Variants in EPHA5 observed in about 807,000 individuals in gnomAD.
EPHA5 encodes EPH receptor A5.
In EPHA5, 60 loss-of-function variants were observed where a neutral mutation model predicts 105.0. That is an observed-to-expected ratio of 0.57 (90% CI 0.46 to 0.71). EPHA5 has a LOEUF of 0.71. Among genes scored for constraint, EPHA5 ranks in the 30% least tolerant of loss-of-function variants. The pLI, the probability that EPHA5 is intolerant of heterozygous loss-of-function variation, is 0.00. For synonymous variants in EPHA5, 513 were observed against 449.1 expected (o/e 1.14, Z -1.80); for missense variants, 1,218 against 1,274.7 (o/e 0.96, Z 0.68).
chr4:65,393,490 T>A (rs1374775255), intron 8 of EPHA5, among the ~76,000 whole-genome samples: 1 of 152,218 alleles, frequency 6.6e-6, no homozygotes, highest in Non-Finnish European at 1.5e-5. Context: ...TCCAACCTCA[T>A]GGGCCTCTCC....
chr4:65,517,434 A>G lies in EPHA5; in HGVS notation c.911-21891T>C, dbSNP rs541959495. Among the ~76,000 whole-genome samples, 11 of 152,014 alleles carry G rather than the reference A, an allele frequency of 7.2e-5. No individual in the cohort carries two copies. In the East Asian group the frequency reaches 1.9e-3, roughly 27 times the overall value. Reference sequence around the variant, plus strand: ...TATTCATTTATTTTGAGTAACTTTTATTCAGAATAAATTTGAGTTTTGATT... The same window carrying G: ...TATTCATTTATTTTGAGTAACTTTTGTTCAGAATAAATTTGAGTTTTGATT... On this transcript the variant is annotated intron_variant, in intron 3 of 16. Coordinates refer to ENST00000613740, the MANE Select transcript of EPHA5 (RefSeq NM_001281766.3).
chr4:65,544,767 A>G (rs1737210186), intron 3 of EPHA5, among the ~76,000 whole-genome samples: 2 of 152,008 alleles, frequency 1.3e-5, no homozygotes, highest in South Asian at 4.1e-4. Flanking sequence ...ATAAAGACAC[A>G]TGCACATATA....
intron 3 of EPHA5, among the ~76,000 whole-genome samples, chr4:65,551,116 T>C (rs927032118): frequency 6.6e-6 from 1 of 151,054 alleles, no homozygotes. Flanking sequence ...ATGAAATATA[T>C]TTACATACAT....
intron 5 of EPHA5, among the ~76,000 whole-genome samples, chr4:65,482,863 T>G (rs975268135): frequency 5.9e-5 from 9 of 151,872 alleles, no homozygotes; most frequent in African/African-American, 2.2e-4. Context: ...AGAGGATCTT[T>G]TTTTTTTATT....
intron 15 of EPHA5, among the ~76,000 whole-genome samples, chr4:65,332,509 A>C (rs1376424): frequency 0.35 from 52,678 of 151,222 alleles, 9,361 homozygotes; most frequent in African/African-American, 0.44. Context: ...AAATGTACAC[A>C]ACCAACAGTG....
intron 3 of EPHA5, among the ~76,000 whole-genome samples, chr4:65,553,361 G>C (rs181706281): frequency 2.4e-4 from 36 of 152,130 alleles, no homozygotes; most frequent in African/African-American, 8.4e-4. Flanking sequence ...ATGATACCTT[G>C]AAGGACAACC....
At chr4:65,668,975 C>T (rs997015762) in intron 1 of EPHA5, among the ~76,000 whole-genome samples, 4 of 152,036 alleles carry the variant, frequency 2.6e-5, no homozygotes, top group Admixed American at 6.6e-5. Context: ...CGCTATACCC[C>T]TCCCACGAGA....
intron 5 of EPHA5, among the ~76,000 whole-genome samples, chr4:65,466,524 G>A (rs1728732246): frequency 1.3e-5 from 2 of 152,174 alleles, no homozygotes; most frequent in South Asian, 2.1e-4. Flanking sequence ...CCCTGTGGCT[G>A]CTGTATTAAA....
intron 4 of EPHA5, among the ~76,000 whole-genome samples, chr4:65,491,384 A>T (rs1257286113): frequency 1.3e-5 from 2 of 152,110 alleles, no homozygotes; most frequent in Non-Finnish European, 2.9e-5. Context: ...ATTTTATTTA[A>T]TTGAAAATCT....
chr4:65,378,795 T>G (rs1020978205), intron 8 of EPHA5, among the ~76,000 whole-genome samples: 5 of 151,950 alleles, frequency 3.3e-5, no homozygotes, highest in Admixed American at 6.6e-5. Context: ...TCTTTCTTTT[T>G]TATTTTTTTG....
At chr4:65,467,142 G>A (rs1196952119) in intron 5 of EPHA5, among the ~76,000 whole-genome samples, 3 of 152,112 alleles carry the variant, frequency 2.0e-5, no homozygotes, top group East Asian at 3.9e-4. Flanking sequence ...ACAAACCAAA[G>A]TACAAAGAGA....
chr4:65,492,839 G>T (rs1452160800), intron 4 of EPHA5, among the ~76,000 whole-genome samples: 1 of 151,994 alleles, frequency 6.6e-6, no homozygotes, highest in African/African-American at 2.4e-5. Context: ...GGTATTTCTG[G>T]AAATACACGT....
In EPHA5 at chr4:65,404,455, C is replaced by T; in HGVS notation, c.1712G>A (p.Ser571Asn). 3.7e-6 allele frequency: 6 copies of T among 1,613,722 alleles called. No individual in the cohort carries two copies. Among genetic ancestry groups the T allele is most frequent in the Non-Finnish European group, 4.2e-6 (5 of 1,179,750 alleles). The change falls in exon 8 of 17, where the codon AGC becomes AAC. Residue 571 changes from serine (S) to asparagine (N), a missense_variant. Coordinates refer to ENST00000613740, the MANE Select transcript of EPHA5 (RefSeq NM_001281766.3). ...AGACACAGCAATTACAGGAATCTGG[C>T]TTTGATCGCTGGATGCTGCAACTGC... ...PVSVAASSDQ[S>N]QIPVIAVSVT...
intron 16 of EPHA5, among the ~76,000 whole-genome samples, chr4:65,324,630 C>T (rs1433160536): frequency 6.6e-6 from 1 of 151,076 alleles, no homozygotes; most frequent in Non-Finnish European, 1.5e-5. Flanking sequence ...TATTTTATAG[C>T]TAAGCAGTTG....
chr4:65,348,815 ATTT>A (rs10633855), intron 13 of EPHA5, among the ~76,000 whole-genome samples: 686 of 64,096 alleles, frequency 0.011, 40 homozygotes, highest in Admixed American at 0.018. Flanking sequence ...ATATATATAT[ATTT>A]TTTTTTTTTT....
intron 3 of EPHA5, among the ~76,000 whole-genome samples, chr4:65,498,558 G>A (rs1732170442): frequency 6.6e-6 from 1 of 151,784 alleles, no homozygotes; most frequent in African/African-American, 2.4e-5. Flanking sequence ...GGTTCCAGTA[G>A]TGATCAATAA....
chr4:65,417,585 T>G (rs541579326), intron 6 of EPHA5, among the ~76,000 whole-genome samples: 4 of 152,252 alleles, frequency 2.6e-5, no homozygotes, highest in African/African-American at 7.2e-5. Flanking sequence ...TATTATTAAT[T>G]TATTGGAAAT....
At chr4:65,557,259 T>TATATATATATATATATATATATATA (rs1560693532) in intron 3 of EPHA5, among the ~76,000 whole-genome samples, 19 of 142,346 alleles carry the variant, frequency 1.3e-4, no homozygotes, top group South Asian at 2.2e-4. Flanking sequence ...TATATATATA[T>TATATATATATATATATATATATATA]TCTCACACTT....
chr4:65,500,439 G>A (rs144297762), intron 3 of EPHA5, among the ~76,000 whole-genome samples: 1,587 of 150,856 alleles, frequency 0.011, 29 homozygotes, highest in African/African-American at 0.036. Context: ...AAGAATACAT[G>A]TTGTTTCCCC....
Sources: allele counts gnomAD v4.1 joint callset (sites outside exome capture counted in the v4.1 genomes callset), GRCh38; gene constraint gnomAD v4.1.1; transcripts MANE v1.5; gene names NCBI Gene and HGNC (gene_info 2026-07-23, HGNC 2026-07-21).